SCNN1A: variants seen among roughly 807,000 people sequenced by gnomAD.
The protein encoded by SCNN1A is sodium channel epithelial 1 subunit alpha.
SCNN1A carries 65 observed loss-of-function variants against 68.6 expected under a neutral mutation model. That is an observed-to-expected ratio of 0.95 (90% CI 0.78 to 1.16). The LOEUF (loss-of-function observed/expected upper bound fraction) is 1.16. Among genes scored for constraint, SCNN1A ranks in the 50% most tolerant of loss-of-function variants. SCNN1A has a pLI of 0.00. For missense variants in SCNN1A, 880 were observed against 865.9 expected (o/e 1.02, Z -0.20); for synonymous variants, 357 against 353.3 (o/e 1.01, Z -0.12).
upstream of SCNN1A, chr12:6,376,128 C>T: frequency 1.0e-6 from 1 of 987,160 alleles, no homozygotes; most frequent in Non-Finnish European, 1.2e-6. Context: ...CACCCTCAGG[C>T]CCTGCAGAGA....
At chr12:6,366,016 G>A (rs187247199) in intron 2 of SCNN1A, among the ~76,000 whole-genome samples, 3 of 152,054 alleles carry the variant, frequency 2.0e-5, no homozygotes, top group East Asian at 3.9e-4. Flanking sequence ...CACCACGCCC[G>A]GCTAATTTTT....
intron 2 of SCNN1A, among the ~76,000 whole-genome samples, chr12:6,364,330 T>A (rs754655190): frequency 1.3e-5 from 2 of 152,058 alleles, no homozygotes; most frequent in African/African-American, 2.4e-5. Context: ...TTAATACAAT[T>A]CCTATTACCA....
intron 4 of SCNN1A, chr12:6,356,228 C>T: frequency 2.7e-6 from 1 of 369,542 alleles, no homozygotes; most frequent in East Asian, 6.0e-5. Flanking sequence ...GACTTCCGTG[C>T]TGCCTTGTAA....
chr12:6,370,177 C>T (rs1163556141), intron 2 of SCNN1A, among the ~76,000 whole-genome samples: 2 of 152,200 alleles, frequency 1.3e-5, no homozygotes, highest in Non-Finnish European at 2.9e-5. Context: ...GCATTATTAT[C>T]CCCATTTTAC....
chr12:6,356,804 A>G (rs3782722), intron 4 of SCNN1A, among the ~76,000 whole-genome samples: 105,019 of 152,040 alleles, frequency 0.69, 38,010 homozygotes, highest in African/African-American at 0.91. Context: ...GACGGGAGCC[A>G]GGCAAAGACG....
In SCNN1A at chr12:6,362,240, C is replaced by T. The variant is rs1376660989; in HGVS notation, c.686G>A (p.Cys229Tyr). The T allele has an allele frequency of 5.0e-6, 8 of 1,613,914 alleles. No individual in the cohort carries two copies. The highest frequency in any genetic ancestry group is 6.8e-6 in the Non-Finnish European group (8 of 1,179,872). ...WKDWKIGFQLCNQNKSDCFYQ... is the reference protein window; with the variant it reads ...WKDWKIGFQLYNQNKSDCFYQ... ...GAAGCAGTCCGATTTGTTCTGGTTGCACTGGACACAGAGACTAGAGTCAGA... is the reference window on the plus strand; with the variant it reads ...GAAGCAGTCCGATTTGTTCTGGTTGTACTGGACACAGAGACTAGAGTCAGA... Residue 229 changes from cysteine (C) to tyrosine (Y), a missense_variant and splice_region_variant, in exon 4 of 13, where the codon TGC becomes TAC. By Grantham distance (194) the Cys-to-Tyr change is radical (BLOSUM62 -2). This residue lies in a region of SCNN1A where 758 missense variants were observed against 721.8 expected (regional missense o/e 1.05). Coordinates refer to ENST00000228916, the MANE Select transcript of SCNN1A (RefSeq NM_001038.6).
At chr12:6,373,815 A>G (rs1948839982) in intron 2 of SCNN1A, among the ~76,000 whole-genome samples, 3 of 152,128 alleles carry the variant, frequency 2.0e-5, no homozygotes, top group Non-Finnish European at 4.4e-5. Flanking sequence ...CCCTGCCCCC[A>G]GCCTTTGGGC....
intron 2 of SCNN1A, chr12:6,364,099 C>A (rs2136887770): frequency 5.9e-6 from 1 of 168,628 alleles, no homozygotes; most frequent in Middle Eastern, 2.8e-3. Context: ...GGTCATCCCG[C>A]CCTGATCCCC....
chr12:6,353,110 C>T (rs975058592), intron 8 of SCNN1A, among the ~76,000 whole-genome samples: 2 of 152,178 alleles, frequency 1.3e-5, no homozygotes, highest in Non-Finnish European at 2.9e-5. Context: ...TCCTGGCACA[C>T]GACTTCCCTG....
intron 3 of SCNN1A, 116 bp downstream of exon 3, chr12:6,363,327 C>A: frequency 4.9e-6 from 4 of 811,338 alleles, no homozygotes; most frequent in Admixed American, 4.1e-5. Flanking sequence ...CCCACGAGGC[C>A]CCGCGTGGTG....
upstream of SCNN1A, chr12:6,376,284 G>A: frequency 1.5e-6 from 1 of 681,254 alleles, no homozygotes; most frequent in Non-Finnish European, 1.8e-6. Flanking sequence ...ACCCGGGAGG[G>A]GCCCAGGTGA....
In SCNN1A at chr12:6,363,475, C is replaced by G. The variant is rs748960792; in HGVS notation, c.652G>C (p.Asp218His). 6.2e-7 allele frequency: 1 copy of G among 1,603,896 alleles called. No homozygotes were observed. The highest frequency in any genetic ancestry group is 2.3e-5 in the East Asian group (1 of 44,396). The change falls in exon 3 of 13, where the codon GAC becomes CAC. Residue 218 changes from aspartate (D) to histidine (H), a missense_variant. Transcript: ENST00000228916. ...AAGCCGATCTTCCAGTCCTTCCAGT[C>G]CACCTGGGGGTTGTTGTCCCGCAAG... ...SSLRDNNPQV[D>H]WKDWKIGFQL...
intron 2 of SCNN1A, among the ~76,000 whole-genome samples, chr12:6,368,692 A>C (rs1948722028): frequency 1.3e-5 from 2 of 152,074 alleles, no homozygotes; most frequent in Non-Finnish European, 2.9e-5. Flanking sequence ...CAACCACCAC[A>C]CTGCCCTCTG....
intron 4 of SCNN1A, among the ~76,000 whole-genome samples, chr12:6,358,972 T>C (rs1237921337): frequency 6.6e-6 from 1 of 151,814 alleles, no homozygotes; most frequent in Non-Finnish European, 1.5e-5. Context: ...AACGTTATGC[T>C]AAATGAAAGA....
In SCNN1A at chr12:6,372,733, G is replaced by C. The variant is rs1948816371; in HGVS notation, c.416+1635C>G. Among the ~76,000 whole-genome samples, 1 of 150,774 alleles carries C rather than the reference G, an allele frequency of 6.6e-6. No individual in the cohort carries two copies. The highest frequency in any genetic ancestry group is 2.1e-4 in the South Asian group (1 of 4,830). On this transcript the variant is annotated intron_variant, in intron 2 of 12. Coordinates refer to ENST00000228916, the MANE Select transcript of SCNN1A (RefSeq NM_001038.6). This position sits in a 1 kb window ranked among gnomAD's most constrained non-coding sequence, Gnocchi z 5.8. The stretch of plus-strand genomic sequence containing the variant: ...CCCTCCCCTCCACCAAGGCCTAAAG[G>C]GGTGAAGATGTCTGCAGGCAGCAGG...
Position 6,374,799 on chromosome 12 carries a change from C to CT in SCNN1A, c.-17dup, listed in dbSNP as rs772085907. The CT allele has an allele frequency of 6.8e-6, 11 of 1,613,872 alleles. No individual in the cohort carries two copies. Among genetic ancestry groups the CT allele is most frequent in the Non-Finnish European group, 9.3e-6 (11 of 1,179,964 alleles). The stretch of plus-strand genomic sequence containing the variant: ...TCCCCTCCATGAGACCTGGTATGGG[C>CT]TGCAGAGGTCTAGGGTCCTGCTCCT... On this transcript the variant is annotated 5_prime_UTR_variant, in exon 2 of 13. Coordinates refer to ENST00000228916, the MANE Select transcript of SCNN1A (RefSeq NM_001038.6). The surrounding 1 kb of genome is among the most constrained non-coding windows in gnomAD (Gnocchi z 6.2).
rs1948279775 is a variant in SCNN1A, at chr12:6,347,587, T to G, written c.*286A>C. The G allele has an allele frequency of 4.1e-6, 2 of 482,010 alleles. No homozygotes were observed. Among genetic ancestry groups the G allele is most frequent in the East Asian group, 6.7e-5 (2 of 30,028 alleles). 29.9% of individuals were successfully genotyped at this position (482,010 alleles called of 1,614,324 possible). The stretch of plus-strand genomic sequence containing the variant: ...AAAGCTCCAAGTTTCGCTTGGCTGA[T>G]CCAAGGGAAAAAGAGACTTAGCCGC... On this transcript the variant is annotated 3_prime_UTR_variant, in exon 13 of 13. Transcript: ENST00000228916.
intron 2 of SCNN1A, among the ~76,000 whole-genome samples, chr12:6,371,545 G>A (rs1219969054): frequency 1.6e-5 from 2 of 121,730 alleles, no homozygotes; most frequent in African/African-American, 6.0e-5. Context: ...GGGTGGGGGT[G>A]AGGGTGGACG....
In SCNN1A at chr12:6,349,555, G is replaced by C. The variant is rs758146517; in HGVS notation, c.1361-150C>G. On this transcript the variant is annotated intron_variant, in intron 8 of 12. Transcript: ENST00000228916. ...GCCTTATGAGTGGCAGTACCAAGAAGCGTTTAAGAAATTAAGCTAAGCCAG... is the reference window on the plus strand; with the variant it reads ...GCCTTATGAGTGGCAGTACCAAGAACCGTTTAAGAAATTAAGCTAAGCCAG... 140 of 699,808 alleles carry C rather than the reference G, an allele frequency of 2.0e-4. 1 individual carries two copies. The Admixed American group carries it at 2.7e-3, about 14-fold the overall frequency. The allele number at this position is 699,808 out of a possible 1,614,324, so 43.3% of individuals were successfully genotyped here.
Sources: allele counts gnomAD v4.1 joint callset (sites outside exome capture counted in the v4.1 genomes callset), GRCh38; gene constraint gnomAD v4.1.1; regional missense constraint gnomAD v4.1.1; non-coding constraint Gnocchi (gnomAD v3.1); transcripts MANE v1.5; gene names NCBI Gene and HGNC (gene_info 2026-07-23, HGNC 2026-07-21).